INPP4B: variants seen among roughly 807,000 people sequenced by gnomAD.
The protein encoded by INPP4B is inositol polyphosphate 4-phosphatase type II.
INPP4B carries 55 observed loss-of-function variants against 122.5 expected under a neutral mutation model. The observed-to-expected ratio is 0.45, with a 90% confidence interval of 0.36 to 0.56. The LOEUF (loss-of-function observed/expected upper bound fraction) is 0.56. Ranked by LOEUF, INPP4B falls within the 20% of genes least tolerant of loss-of-function variation. The pLI is 0.00. For synonymous variants in INPP4B, 403 were observed against 388.7 expected (o/e 1.04, Z -0.43); for missense variants, 1,000 against 1,097.7 (o/e 0.91, Z 1.26).
chr4:142,277,296 TCTCCTGA>T (rs1405802285), intron 9 of INPP4B, among the ~76,000 whole-genome samples: 5 of 83,762 alleles, frequency 6.0e-5, no homozygotes. Flanking sequence ...GTCTATTTAC[TCTCCTGA>T]CTATTTCTTT....
intron 1 of INPP4B, among the ~76,000 whole-genome samples, chr4:142,825,097 T>C (rs1325882432): frequency 6.6e-6 from 1 of 152,152 alleles, no homozygotes; most frequent in Non-Finnish European, 1.5e-5. Flanking sequence ...TTAGTAACCA[T>C]GCTCCTTTGA....
chr4:142,068,103 G>C (rs960776667), intron 25 of INPP4B, among the ~76,000 whole-genome samples: 5 of 152,184 alleles, frequency 3.3e-5, no homozygotes, highest in African/African-American at 1.2e-4. Context: ...TACCCATAAA[G>C]GTAAGCCCAT....
chr4:142,788,559 C>A (rs570541437), intron 1 of INPP4B, among the ~76,000 whole-genome samples: 196 of 152,172 alleles, frequency 1.3e-3, no homozygotes, highest in East Asian at 3.9e-4. Context: ...GATTTTGGTG[C>A]ACCCATCACC....
At chr4:142,498,953 T>C (rs901069294) in intron 2 of INPP4B, among the ~76,000 whole-genome samples, 5 of 152,198 alleles carry the variant, frequency 3.3e-5, no homozygotes, top group African/African-American at 4.8e-5. Flanking sequence ...TATGAGTTAG[T>C]ATTGTCAAAT....
intron 18 of INPP4B, among the ~76,000 whole-genome samples, chr4:142,143,725 TTTAG>T (rs1353538312): frequency 1.3e-5 from 2 of 152,026 alleles, no homozygotes; most frequent in Non-Finnish European, 2.9e-5. Flanking sequence ...GGAAATAAAA[TTTAG>T]TTAAAGACTT....
chr4:142,403,362 A>T (rs1225493686), intron 6 of INPP4B, among the ~76,000 whole-genome samples: 4 of 152,210 alleles, frequency 2.6e-5, no homozygotes, highest in Non-Finnish European at 5.9e-5. Flanking sequence ...ACACTTAATA[A>T]ATATAACTTG....
At chr4:142,097,225 TTTTTATTTTATTTTATTTTA>T (rs376210499) in intron 23 of INPP4B, among the ~76,000 whole-genome samples, 7 of 135,488 alleles carry the variant, frequency 5.2e-5, no homozygotes, top group African/African-American at 2.0e-4. Context: ...TTTTATGTTA[TTTTTATTTTATTTTATTTTA>T]TTTTATTTTA....
At chr4:142,811,901 A>G (rs1779563977) in intron 1 of INPP4B, among the ~76,000 whole-genome samples, 1 of 152,172 alleles carries the variant, frequency 6.6e-6, no homozygotes, top group South Asian at 2.1e-4. Flanking sequence ...TTATGCAATC[A>G]ATGATTAAAT....
At chr4:142,219,485 G>A (rs1848542967) in intron 12 of INPP4B, among the ~76,000 whole-genome samples, 1 of 152,124 alleles carries the variant, frequency 6.6e-6, no homozygotes, top group Non-Finnish European at 1.5e-5. Flanking sequence ...TTATTTTTTA[G>A]TATTTTAAAG....
chr4:142,050,991 T>G (rs944203636), intron 25 of INPP4B, among the ~76,000 whole-genome samples: 1 of 152,048 alleles, frequency 6.6e-6, no homozygotes, highest in Non-Finnish European at 1.5e-5. Flanking sequence ...ACATAATGAC[T>G]TCCAAACTTA....
At chr4:142,458,348 T>A (rs1462305142) in intron 3 of INPP4B, among the ~76,000 whole-genome samples, 3 of 152,118 alleles carry the variant, frequency 2.0e-5, no homozygotes, top group Non-Finnish European at 2.9e-5. Context: ...GCCTTGATTG[T>A]AGTGGTGGCT....
chr4:142,185,675 A>C (rs2636678), intron 15 of INPP4B, among the ~76,000 whole-genome samples: 150,755 of 151,796 alleles, frequency 0.99, 74,867 homozygotes, highest in South Asian at 1. Context: ...GTCAGGAGAC[A>C]GAGACCATCC....
intron 23 of INPP4B, among the ~76,000 whole-genome samples, chr4:142,100,890 G>C (rs1018548231): frequency 2.0e-5 from 3 of 152,092 alleles, no homozygotes; most frequent in African/African-American, 7.2e-5. Context: ...ATTCAGAAAG[G>C]ATCTCTTTAT....
chr4:142,279,788 T>C (rs546103427), intron 9 of INPP4B, among the ~76,000 whole-genome samples: 1 of 151,854 alleles, frequency 6.6e-6, no homozygotes, highest in Non-Finnish European at 1.5e-5. Context: ...GTCAAAGACA[T>C]GGTTACAATA....
chr4:142,266,443 GA>G (rs895764040), intron 10 of INPP4B, among the ~76,000 whole-genome samples: 2 of 150,438 alleles, frequency 1.3e-5, no homozygotes, highest in Admixed American at 6.6e-5. Flanking sequence ...CTGGGAAAAA[GA>G]AAAAAAAATT....
intron 15 of INPP4B, among the ~76,000 whole-genome samples, chr4:142,183,670 C>CAAA (rs1466720173): frequency 1.3e-5 from 2 of 152,128 alleles, no homozygotes; most frequent in East Asian, 3.9e-4. Flanking sequence ...TTAACAAGTT[C>CAAA]AAAAGTTCCT....
At chr4:142,265,194 A>AT (rs1346029874) in intron 10 of INPP4B, among the ~76,000 whole-genome samples, 2 of 152,276 alleles carry the variant, frequency 1.3e-5, no homozygotes, top group African/African-American at 4.8e-5. Flanking sequence ...AGTTTATGGT[A>AT]TTTTGTCATG....
chr4:142,220,469 C>G lies in INPP4B; in HGVS notation c.837-11443G>C, dbSNP rs62328252. Among the ~76,000 whole-genome samples the G allele has an allele frequency of 4.1e-3, 626 of 152,324 alleles. 2 individuals carry two copies. Among genetic ancestry groups the G allele is most frequent in the Non-Finnish European group, 6.6e-3 (449 of 68,030 alleles). On this transcript the variant is annotated intron_variant, in intron 12 of 25. Transcript: ENST00000262992. ...ATTCTATGTCTGCTACTATTCTGAA[C>G]ACTTCACAAATATTCACTCATTTGC...
chr4:142,549,835 C>G (rs1727551904), intron 2 of INPP4B, among the ~76,000 whole-genome samples: 1 of 152,162 alleles, frequency 6.6e-6, no homozygotes, highest in African/African-American at 2.4e-5. Context: ...GTAAATATCT[C>G]TTTCTGGCTT....
Sources: gnomAD v4.1 joint callset for allele counts (sites outside exome capture counted in the v4.1 genomes callset) on GRCh38, gnomAD v4.1.1 for gene constraint, MANE v1.5 for transcripts, NCBI Gene and HGNC (gene_info 2026-07-23, HGNC 2026-07-21) for gene names.